Variants in RTN4 observed in about 807,000 individuals in gnomAD.
RTN4 encodes the protein reticulon 4, also known as reticulon-4.
In RTN4, 32 loss-of-function variants were observed where a neutral mutation model predicts 90.4. That is an observed-to-expected ratio of 0.35 (90% CI 0.27 to 0.48). RTN4 has a LOEUF of 0.48. RTN4 is among the 20% of genes least tolerant of loss of function. RTN4 has a pLI of 0.99. For synonymous variants in RTN4, 629 were observed against 552.5 expected (o/e 1.14, Z -1.94); for missense variants, 1,706 against 1,430.2 (o/e 1.19, Z -3.11).
intron 1 of RTN4, among the ~76,000 whole-genome samples, chr2:55,048,831 G>C (rs377523786): frequency 2.0e-5 from 3 of 152,096 alleles, no homozygotes; most frequent in African/African-American, 7.2e-5. Context: ...GGAATCCACA[G>C]GTTTTCCCTT....
chr2:55,053,517 T>C (rs1209112592), upstream of RTN4, among the ~76,000 whole-genome samples: 1 of 151,858 alleles, frequency 6.6e-6, no homozygotes, highest in African/African-American at 2.4e-5. Context: ...TGAAACCCCA[T>C]CTCTACTAAA....
At chr2:55,122,317 C>A in the RTN4 span, among the ~76,000 whole-genome samples, 1 of 152,094 alleles carries the variant, frequency 6.6e-6, no homozygotes, top group African/African-American at 2.4e-5. Context: ...CTGATTTTTA[C>A]AGGTTCCCCG....
chr2:55,017,835 T>C (rs969445780), intron 3 of RTN4, among the ~76,000 whole-genome samples: 2 of 152,138 alleles, frequency 1.3e-5, no homozygotes, highest in Admixed American at 1.3e-4. Flanking sequence ...TCTTAAGATG[T>C]CAAGAAATGT....
chr2:55,082,373 A>G (rs1184286190), intron 1 of RTN4, among the ~76,000 whole-genome samples: 1 of 152,230 alleles, frequency 6.6e-6, no homozygotes. Context: ...CTCAAAAGCC[A>G]GAGACTTGAG....
Position 55,050,019 on chromosome 2 carries a change from C to A in RTN4, c.282G>T (p.Leu94=). 4 of 1,386,068 alleles carry A rather than the reference C, an allele frequency of 2.9e-6. No homozygotes were observed. The highest frequency in any genetic ancestry group is 3.7e-6 in the Non-Finnish European group (4 of 1,077,312). 85.9% of individuals were successfully genotyped at this position (1,386,068 alleles called of 1,614,324 possible). The change falls in exon 1 of 9, where the codon CTG becomes CTT. Residue 94 remains leucine (L), a synonymous_variant. Transcript: ENST00000337526. This position sits in a 1 kb window ranked among gnomAD's most constrained non-coding sequence, Gnocchi z 4.6. Reference sequence around the variant, plus strand: ...CCGGGGCGACGGGGGGAGCGGCCGGCAGGGGTCCCCGGGGCGCCGGCGGCA... The same window carrying A: ...CCGGGGCGACGGGGGGAGCGGCCGGAAGGGGTCCCCGGGGCGCCGGCGGCA... ...DFVPPAPRGP[L]PAAPPVAPER... is the part of the protein sequence containing the mutation.
chr2:55,083,649 G>C (rs1011541812), intron 1 of RTN4, among the ~76,000 whole-genome samples: 2 of 152,042 alleles, frequency 1.3e-5, no homozygotes, highest in Non-Finnish European at 2.9e-5. Flanking sequence ...CAAAATTAAG[G>C]GAAACTATAA....
At chr2:55,030,238 T>C (rs1682205427) in intron 1 of RTN4, among the ~76,000 whole-genome samples, 1 of 152,174 alleles carries the variant, frequency 6.6e-6, no homozygotes, top group South Asian at 2.1e-4. Flanking sequence ...CCTAGTGCAA[T>C]AATCTTTTAT....
chr2:55,118,631 T>A, the RTN4 span, among the ~76,000 whole-genome samples: 144,842 of 152,206 alleles, frequency 0.95, 69,015 homozygotes, highest in African/African-American at 0.98. Context: ...CCCTCTCAAC[T>A]TTATCAATTA....
intron 3 of RTN4, among the ~76,000 whole-genome samples, chr2:54,992,025 C>T (rs567780927): frequency 6.6e-6 from 1 of 152,308 alleles, no homozygotes; most frequent in South Asian, 2.1e-4. Context: ...ACAACATTAT[C>T]TCTTTCAATT....
intron 1 of RTN4, among the ~76,000 whole-genome samples, chr2:55,094,782 T>C (rs1178818436): frequency 6.6e-6 from 1 of 152,166 alleles, no homozygotes; most frequent in Admixed American, 6.5e-5. Context: ...ATCAGGTCTA[T>C]GTAAGACTGA....
At chr2:54,987,427 A>G (rs1319561322) in intron 4 of RTN4, 64 bp downstream of exon 4, 2 of 1,152,594 alleles carry the variant, frequency 1.7e-6, no homozygotes, top group Non-Finnish European at 1.3e-6. Context: ...ACAGTAGATG[A>G]AGTCTTAATA....
chr2:54,985,995 G>A (rs757655112), intron 4 of RTN4, among the ~76,000 whole-genome samples: 11 of 152,126 alleles, frequency 7.2e-5, no homozygotes, highest in Non-Finnish European at 7.4e-5. Context: ...CTGAATTTTC[G>A]GATCATTTGG....
chr2:55,073,064 A>C (rs1668543347), intron 2 of RTN4, among the ~76,000 whole-genome samples: 1 of 152,208 alleles, frequency 6.6e-6, no homozygotes, highest in African/African-American at 2.4e-5. Context: ...AATTCTGTTA[A>C]GAGGCCAGAC....
chr2:55,127,367 T>C, the RTN4 span, among the ~76,000 whole-genome samples: 18,437 of 152,170 alleles, frequency 0.12, 1,306 homozygotes, highest in East Asian at 0.22. Flanking sequence ...CAGCCACAGA[T>C]AGGATTTTAC....
rs1681905379 is a variant in RTN4 at position 55,026,677 on chromosome 2, G to C, written c.1422C>G (p.Ser474Arg). The change falls in exon 3 of 9, where the codon AGC becomes AGG. Residue 474 changes from serine to arginine, a missense_variant. Coordinates refer to ENST00000337526, the MANE Select transcript of RTN4 (RefSeq NM_020532.5). ...CAPFNPAATE[S>R]IATNIFPLLG... The stretch of plus-strand genomic sequence containing the variant: ...ACAAAGGAAAAATGTTTGTTGCAAT[G>C]CTCTCAGTTGCTGCTGGGTTAAAGG... 1 of 1,613,478 alleles carries C rather than the reference G, an allele frequency of 6.2e-7. No individual in the cohort carries two copies. The highest frequency in any genetic ancestry group is 2.2e-5 in the East Asian group (1 of 44,862).
chr2:55,082,122 A>G (rs982263632), intron 1 of RTN4, among the ~76,000 whole-genome samples: 1 of 152,106 alleles, frequency 6.6e-6, no homozygotes, highest in Admixed American at 6.6e-5. Context: ...CTGTATAAAG[A>G]CAGTATCTTT....
chr2:55,115,234 G>A (rs1668103123), upstream of RTN4, among the ~76,000 whole-genome samples: 2 of 152,166 alleles, frequency 1.3e-5, no homozygotes, highest in African/African-American at 4.8e-5. Context: ...ATGTCAGAAG[G>A]TCTGTATTCC....
At chr2:55,046,338 A>G (rs573623331) in intron 1 of RTN4, among the ~76,000 whole-genome samples, 7 of 152,262 alleles carry the variant, frequency 4.6e-5, no homozygotes, top group South Asian at 4.1e-4. Flanking sequence ...GAGACCCCCA[A>G]TGATCTGGGT....
intron 1 of RTN4, among the ~76,000 whole-genome samples, chr2:55,047,683 T>C (rs1424344473): frequency 1.3e-5 from 2 of 152,306 alleles, no homozygotes; most frequent in East Asian, 1.9e-4. Flanking sequence ...ATTCTTGACC[T>C]TTTATACATA....
Sources: gnomAD v4.1 joint callset for allele counts (sites outside exome capture counted in the v4.1 genomes callset) on GRCh38, gnomAD v4.1.1 for gene constraint, Gnocchi (gnomAD v3.1) non-coding constraint, MANE v1.5 for transcripts, NCBI Gene and HGNC (gene_info 2026-07-23, HGNC 2026-07-21) for gene names.